Variants in MYH14 observed in about 807,000 individuals in gnomAD.
MYH14 encodes myosin-14.
MYH14 carries 123 observed loss-of-function variants against 255.5 expected under a neutral mutation model. The observed-to-expected ratio is 0.48, with a 90% CI of 0.42 to 0.56. MYH14 has a LOEUF of 0.56. Ranked by LOEUF, MYH14 falls within the 20% of genes least tolerant of loss-of-function variation. The probability of loss-of-function intolerance (pLI) is 0.00; values close to 1 mark genes in which losing one functional copy is unlikely to be tolerated. For synonymous variants in MYH14, 1,095 were observed against 1,161.2 expected (o/e 0.94, Z 1.16); for missense variants, 2,423 against 2,802.3 (o/e 0.86, Z 3.06).
chr19:50,301,836 C>G lies in MYH14; in HGVS notation c.5645C>G (p.Ala1882Gly). 1 of 1,613,442 alleles carries G rather than the reference C, an allele frequency of 6.2e-7. No homozygotes were observed. The highest frequency in any genetic ancestry group is 8.5e-7 in the Non-Finnish European group (1 of 1,179,704). ...ATTGCTGCCCTTGAGTCTAAGTTGG[C>G]CCAGGCTGAGGAGCAGCTAGAGCAA... ...MTIAALESKL[A>G]QAEEQLEQET... Residue 1882 changes from alanine to glycine, a missense_variant, in exon 40 of 43, where the codon GCC becomes GGC. Ala to Gly is a moderately conservative substitution (Grantham distance 60). This residue lies in a region of MYH14 where 1,513 missense variants were observed against 1,674.8 expected (regional missense o/e 0.90). Transcript: ENST00000642316.
chr19:50,271,869 TC>T lies in MYH14; in HGVS notation c.3193del (p.Arg1065ValfsTer50), dbSNP rs1324106809. ...CTCAGGAGCGGAAGCTGCTGGAAGA[TC>T]GTCTGGCCGAGTTCTCATCCCAGGC... ...LSKERKLLED[R>X]LAEFSSQAAE... On this transcript the variant is annotated frameshift_variant, in exon 26 of 43. Coordinates refer to ENST00000642316, the MANE Select transcript of MYH14 (RefSeq NM_001145809.2). LOFTEE classifies it high-confidence loss of function. The T allele has an allele frequency of 6.2e-7, 1 of 1,613,384 alleles. No individual in the cohort carries two copies. The highest frequency in any genetic ancestry group is 2.2e-5 in the East Asian group (1 of 44,866).
rs1439042771 is a variant in MYH14, at chr19:50,280,530, C to T, written c.4290+147C>T. 6 of 847,122 alleles carry T rather than the reference C, an allele frequency of 7.1e-6. No homozygotes were observed. Among genetic ancestry groups the T allele is most frequent in the South Asian group, 3.7e-5 (2 of 54,538 alleles). The allele number at this position is 847,122 out of a possible 1,614,324, so 52.5% of individuals were successfully genotyped here. ...TTCTCATCTCTGACTCCCCCTTACCCCCCACAGCCCATGCCCAGCCCTGGC... is the reference window on the plus strand; with the variant it reads ...TTCTCATCTCTGACTCCCCCTTACCTCCCACAGCCCATGCCCAGCCCTGGC... On this transcript the variant is annotated intron_variant, in intron 32 of 42. Coordinates refer to ENST00000642316, the MANE Select transcript of MYH14 (RefSeq NM_001145809.2). This position sits in a 1 kb window ranked among gnomAD's most constrained non-coding sequence, Gnocchi z 4.8.
chr19:50,228,147 G>A (rs575931059), intron 8 of MYH14, among the ~76,000 whole-genome samples: 2 of 151,930 alleles, frequency 1.3e-5, no homozygotes, highest in African/African-American at 2.4e-5. Flanking sequence ...TTAGCCGGGC[G>A]TGGTGGCGCA....
rs1371286470 is a variant in MYH14, at chr19:50,260,637, T to C, written c.2355-9T>C. On this transcript the variant is annotated splice_polypyrimidine_tract_variant and intron_variant, in intron 19 of 42. Coordinates refer to ENST00000642316, the MANE Select transcript of MYH14 (RefSeq NM_001145809.2). ...CTCTCTCCTCCCCACCCCTCCCTGC[T>C]CATTGCAGATACGAGATCCTGACAC... 10 of 1,608,982 alleles carry C rather than the reference T, an allele frequency of 6.2e-6. No individual in the cohort carries two copies. The highest frequency in any genetic ancestry group is 8.5e-6 in the Non-Finnish European group (10 of 1,175,980).
chr19:50,307,265 C>CAGGT, intron 41 of MYH14, 108 bp downstream of exon 41: 1 of 683,362 alleles, frequency 1.5e-6, no homozygotes, highest in East Asian at 2.8e-5. Flanking sequence ...AAGCAATGTG[C>CAGGT]AGGTGCTGGA....
chr19:50,292,493 C>CTTG (rs2123454661), intron 37 of MYH14, 104 bp downstream of exon 37: 7 of 508,382 alleles, frequency 1.4e-5, no homozygotes, highest in Admixed American at 6.2e-5. Flanking sequence ...CGGGGCTAAC[C>CTTG]ACAGGGTCCC....
chr19:50,269,787 C>G (rs889043945), intron 24 of MYH14, among the ~76,000 whole-genome samples: 1 of 152,176 alleles, frequency 6.6e-6, no homozygotes, highest in Non-Finnish European at 1.5e-5. Context: ...CAGGGATAAG[C>G]AGGCACTGTG....
chr19:50,300,275 G>A (rs1034054084), intron 39 of MYH14, among the ~76,000 whole-genome samples: 2 of 152,144 alleles, frequency 1.3e-5, no homozygotes, highest in African/African-American at 4.8e-5. Flanking sequence ...TCAGAGACAG[G>A]AAGCAGCAGG....
In MYH14 at chr19:50,309,712, C is replaced by T. The variant is rs377261131; in HGVS notation, c.6033C>T (p.Asp2011=). ...GACTAGAGGAGGGCGTGGCATCCGA[C>T]GAGGAGGCAGAGGAAGCACAGCCTG... ...VFRLEEGVAS[D]EEAEEAQPGS... Residue 2011 remains aspartate, a synonymous_variant, in exon 43 of 43, where the codon GAC becomes GAT. Transcript: ENST00000642316. 47 of 1,605,296 alleles carry T rather than the reference C, an allele frequency of 2.9e-5. No homozygotes were observed. Among genetic ancestry groups the T allele is most frequent in the East Asian group, 4.5e-5 (2 of 44,382 alleles).
At chr19:50,236,938 T>G (rs537931350) in intron 10 of MYH14, among the ~76,000 whole-genome samples, 1 of 152,228 alleles carries the variant, frequency 6.6e-6, no homozygotes, top group South Asian at 2.1e-4. Flanking sequence ...CGCATACCCT[T>G]TAGCTGTCCC....
Position 50,252,612 on chromosome 19 carries a change from C to A in MYH14, c.1831-27C>A. ...GAGAATGTCTGAGCCTGCAAGTCAT[C>A]GCCCTCCTCTACCTGACTTCATTCA... On this transcript the variant is annotated intron_variant, in intron 15 of 42. Coordinates refer to ENST00000642316, the MANE Select transcript of MYH14 (RefSeq NM_001145809.2). The surrounding 1 kb of genome is among the most constrained non-coding windows in gnomAD (Gnocchi z 4.2). 1 of 1,450,740 alleles carries A rather than the reference C, an allele frequency of 6.9e-7. No homozygotes were observed. The highest frequency in any genetic ancestry group is 9.5e-7 in the Non-Finnish European group (1 of 1,052,458). 89.9% of individuals were successfully genotyped at this position (1,450,740 alleles called of 1,614,324 possible). A position where few individuals can be genotyped will look rare whatever the true frequency, so the allele number is the denominator to read the frequency against.
rs1283893656 is a variant in MYH14 at position 50,210,639 on chromosome 19, C to A, written c.274C>A (p.Pro92Thr). ...GGAGAGCGGGAGGCGGCTGCGACTG[C>A]CGCGGGACCAGATCCAGCGCATGAA... ...LAESGRRLRL[P>T]RDQIQRMNPP... Residue 92 changes from proline to threonine, a missense_variant, in exon 2 of 43, where the codon CCG becomes ACG. By Grantham distance (38) the Pro-to-Thr change is conservative. Transcript: ENST00000642316. The A allele has an allele frequency of 5.1e-6, 8 of 1,570,218 alleles. No homozygotes were observed. Among genetic ancestry groups the A allele is most frequent in the Middle Eastern group, 3.3e-4 (2 of 6,010 alleles).
At chr19:50,244,725 TGC>T (rs2034033409) in intron 11 of MYH14, among the ~76,000 whole-genome samples, 1 of 151,948 alleles carries the variant, frequency 6.6e-6, no homozygotes, top group Non-Finnish European at 1.5e-5. Context: ...CCTCGTGATC[TGC>T]CCACCTCGGC....
chr19:50,289,755 T>G, intron 35 of MYH14, 107 bp downstream of exon 35: 1 of 993,494 alleles, frequency 1.0e-6, no homozygotes, highest in Non-Finnish European at 1.5e-6. Flanking sequence ...CACCCACCAC[T>G]CTGTCTCCTC....
chr19:50,207,237 A>AAGAGAGAGAGAGAGAGAAAGAGAGAG (rs2031815142), intron 1 of MYH14, among the ~76,000 whole-genome samples: 1 of 95,200 alleles, frequency 1.1e-5, no homozygotes, highest in African/African-American at 4.1e-5. Flanking sequence ...TCTAAGAAAA[A>AAGAGAGAGAGAGAGAGAAAGAGAGAG]AGAGAGAGAG....
intron 10 of MYH14, among the ~76,000 whole-genome samples, chr19:50,237,203 G>A (rs1163819681): frequency 6.6e-6 from 1 of 152,122 alleles, no homozygotes; most frequent in Non-Finnish European, 1.5e-5. Context: ...CAAACAGAGT[G>A]CAGAATGTAA....
At chr19:50,239,046 G>A (rs2033784472) in intron 10 of MYH14, among the ~76,000 whole-genome samples, 1 of 152,114 alleles carries the variant, frequency 6.6e-6, no homozygotes, top group African/African-American at 2.4e-5. Context: ...GCATGATGGA[G>A]TCTCACTCTG....
chr19:50,293,534 T>C lies in MYH14; in HGVS notation c.5346-30T>C. The C allele has an allele frequency of 4.3e-6, 7 of 1,611,218 alleles. No homozygotes were observed. The highest frequency in any genetic ancestry group is 5.9e-6 in the Non-Finnish European group (7 of 1,178,920). ...GCACCCTCCTCTGACCATCCTGTCCTTTCATCCCCACGCCTTCCTGTCTCC... is the reference window on the plus strand; with the variant it reads ...GCACCCTCCTCTGACCATCCTGTCCCTTCATCCCCACGCCTTCCTGTCTCC... On this transcript the variant is annotated intron_variant, in intron 38 of 42. Coordinates refer to ENST00000642316, the MANE Select transcript of MYH14 (RefSeq NM_001145809.2). This position sits in a 1 kb window ranked among gnomAD's most constrained non-coding sequence, Gnocchi z 4.1.
intron 10 of MYH14, among the ~76,000 whole-genome samples, chr19:50,242,582 A>G (rs1355760173): frequency 6.6e-6 from 1 of 152,202 alleles, no homozygotes; most frequent in Non-Finnish European, 1.5e-5. Flanking sequence ...ACACATGGGA[A>G]TTATGGGAGC....
Sources: gnomAD v4.1 joint callset for allele counts (sites outside exome capture counted in the v4.1 genomes callset) on GRCh38, gnomAD v4.1.1 for gene constraint, gnomAD v4.1.1 regional missense constraint, Gnocchi (gnomAD v3.1) non-coding constraint, MANE v1.5 for transcripts, NCBI Gene and HGNC (gene_info 2026-07-23, HGNC 2026-07-21) for gene names.